ZFHX3: variants seen among roughly 807,000 people sequenced by gnomAD.
The protein encoded by ZFHX3 is zinc finger homeobox protein 3.
Under a neutral mutation model 279.1 loss-of-function variants are expected in ZFHX3, and 42 were observed. The ratio of observed to expected loss-of-function variants is 0.15; its 90% CI spans 0.12 to 0.19. The LOEUF is 0.19. Ranked by LOEUF, ZFHX3 falls within the 10% of genes least tolerant of loss-of-function variation. The probability of loss-of-function intolerance (pLI) is 1.00; values close to 1 mark genes in which losing one functional copy is unlikely to be tolerated. For missense variants in ZFHX3, 4,981 were observed against 4,754.0 expected (o/e 1.05, Z -1.40); for synonymous variants, 2,293 against 1,957.8 (o/e 1.17, Z -4.52).
rs1012307236 is a variant in ZFHX3, at chr16:73,237,738, T to C, written c.-1104+19309A>G. Among the ~76,000 whole-genome samples, 13 of 152,230 alleles carry C rather than the reference T, an allele frequency of 8.5e-5. 1 individual carries two copies. Among genetic ancestry groups the C allele is most frequent in the South Asian group, 2.1e-4 (1 of 4,822 alleles). On this transcript the variant is annotated intron_variant, in intron 5 of 17. Transcript: ENST00000641206. ...CTTCACCATGAGGTTTTTTTTCTCA[T>C]AGCCTATGTTATTTGTAGTTATGTG...
intron 3 of ZFHX3, among the ~76,000 whole-genome samples, chr16:72,895,873 C>CTAGATAGA (rs146417471): frequency 0.13 from 19,975 of 151,852 alleles, 1,769 homozygotes; most frequent in Non-Finnish European, 0.2. Context: ...GTAGATTAGA[C>CTAGATAGA]TAGATAGATA....
intron 1 of ZFHX3, among the ~76,000 whole-genome samples, chr16:72,980,292 G>T (rs1962532712): frequency 6.6e-6 from 1 of 152,190 alleles, no homozygotes; most frequent in South Asian, 2.1e-4. Context: ...TCACATGGAC[G>T]TTGGGGAAGG....
intron 3 of ZFHX3, among the ~76,000 whole-genome samples, chr16:73,416,790 C>G (rs1427376989): frequency 6.8e-6 from 1 of 146,482 alleles, no homozygotes; most frequent in Non-Finnish European, 1.5e-5. Flanking sequence ...AGGAGAATGG[C>G]GTGAACTCGG....
chr16:72,804,343 A>G (rs2036200048), intron 7 of ZFHX3, among the ~76,000 whole-genome samples: 1 of 152,220 alleles, frequency 6.6e-6, no homozygotes, highest in Non-Finnish European at 1.5e-5. Flanking sequence ...CCTGTCTCCA[A>G]AAGGCTTATG....
intron 1 of ZFHX3, among the ~76,000 whole-genome samples, chr16:73,758,986 A>G (rs906776610): frequency 6.6e-6 from 1 of 152,200 alleles, no homozygotes; most frequent in African/African-American, 2.4e-5. Context: ...TTACAAGTTA[A>G]TCCAGGTCTA....
chr16:73,137,707 C>T (rs1966817152), intron 6 of ZFHX3: 1 of 151,946 alleles, frequency 6.6e-6, no homozygotes, highest in African/African-American at 2.4e-5. Context: ...ATGATACAAA[C>T]ACCAAATTAG....
chr16:73,035,041 C>T (rs2144686113), intron 1 of ZFHX3, among the ~76,000 whole-genome samples: 1 of 152,264 alleles, frequency 6.6e-6, no homozygotes, highest in East Asian at 1.9e-4. Flanking sequence ...TCCAGAGCTG[C>T]ACCATCCACT....
At chr16:72,800,983 G>A (rs757289246) in intron 7 of ZFHX3, among the ~76,000 whole-genome samples, 21 of 152,222 alleles carry the variant, frequency 1.4e-4, no homozygotes, top group Admixed American at 6.5e-4. Flanking sequence ...CCTCCCTGCC[G>A]TACGGCCAGA....
In ZFHX3 at chr16:72,788,222, G is replaced by A. The variant is rs2143297790; in HGVS notation, c.10054C>T (p.Leu3352=). Residue 3352 remains leucine (L), a synonymous_variant, in exon 10 of 10, where the codon CTG becomes TTG. Coordinates refer to ENST00000268489, the MANE Select transcript of ZFHX3 (RefSeq NM_006885.4). ...AGGGAGCCTGGGGACAGCCCCATCA[G>A]GGCCTGCGACAGTGCAGGGCTGTAG... is the stretch of plus-strand genomic sequence containing the variant. ...FPYSPALSQA[L]MGLSPGSLLQ... 3.1e-6 allele frequency: 5 copies of A among 1,613,622 alleles called. No homozygotes were observed. Among genetic ancestry groups the A allele is most frequent in the Non-Finnish European group, 4.2e-6 (5 of 1,179,644 alleles).
chr16:73,300,391 C>G (rs1277673865), intron 4 of ZFHX3, among the ~76,000 whole-genome samples: 6 of 152,096 alleles, frequency 3.9e-5, no homozygotes, highest in Non-Finnish European at 8.8e-5. Flanking sequence ...AGCAGCCCCT[C>G]TGGACTCTAC....
chr16:73,070,277 T>C (rs1275998026), intron 8 of ZFHX3, among the ~76,000 whole-genome samples: 2 of 152,148 alleles, frequency 1.3e-5, no homozygotes, highest in Non-Finnish European at 2.9e-5. Context: ...ATCTGATCCT[T>C]TCACTCTAAA....
At chr16:73,388,231 T>C (rs996377176) in intron 3 of ZFHX3, among the ~76,000 whole-genome samples, 6 of 152,086 alleles carry the variant, frequency 3.9e-5, no homozygotes, top group African/African-American at 7.2e-5. Context: ...GAAGTGTCTA[T>C]GTGTATCCAG....
At chr16:73,300,784 A>G (rs2015038104) in intron 4 of ZFHX3, among the ~76,000 whole-genome samples, 1 of 152,132 alleles carries the variant, frequency 6.6e-6, no homozygotes, top group Admixed American at 6.5e-5. Context: ...GATTACAGGC[A>G]TGAGCCACCA....
chr16:73,334,816 T>TTTTTTTTTTTTTTTTTTTTTTTTTTTTA (rs2015880029), intron 3 of ZFHX3, among the ~76,000 whole-genome samples: 1 of 133,982 alleles, frequency 7.5e-6, no homozygotes, highest in African/African-American at 2.8e-5. Flanking sequence ...CATTCTTTTT[T>TTTTTTTTTTTTTTTTTTTTTTTTTTTTA]TTTTTTTTTT....
At chr16:73,511,884 C>T (rs1033936960) in intron 2 of ZFHX3, among the ~76,000 whole-genome samples, 3 of 152,100 alleles carry the variant, frequency 2.0e-5, no homozygotes, top group Non-Finnish European at 4.4e-5. Context: ...CTTCCTTGAA[C>T]CTTTAAACCT....
In ZFHX3 at chr16:73,045,165, C is replaced by T. The variant is rs117877227; in HGVS notation, c.-50+2587G>A. On this transcript the variant is annotated intron_variant, in intron 1 of 9. Transcript: ENST00000268489. ...AAAGCTCCTACCCCTGAAAGATACA[C>T]CAAAAAGGAACAACTGCACACAGTG... Among the ~76,000 whole-genome samples, 475 of 152,296 alleles carry T rather than the reference C, an allele frequency of 3.1e-3. 1 individual carries two copies. The highest frequency in any genetic ancestry group is 6.0e-3 in the Non-Finnish European group (407 of 68,030).
At chr16:73,136,568 AC>A (rs10707244) in intron 6 of ZFHX3, among the ~76,000 whole-genome samples, 3,648 of 151,706 alleles carry the variant, frequency 0.024, 156 homozygotes, top group African/African-American at 0.083. Context: ...TACTAAAAAC[AC>A]CAAAAATTAG....
At chr16:73,872,830 A>G (rs1325229497) in intron 1 of ZFHX3, among the ~76,000 whole-genome samples, 1 of 600 alleles carries the variant, frequency 1.7e-3, no homozygotes, top group Non-Finnish European at 3.1e-3. Flanking sequence ...TGGGTGGTGG[A>G]TGGTGGTGGG....
intron 1 of ZFHX3, among the ~76,000 whole-genome samples, chr16:73,045,852 G>A (rs750690171): frequency 6.7e-6 from 1 of 149,928 alleles, no homozygotes; most frequent in Non-Finnish European, 1.5e-5. Flanking sequence ...CATAAAGACA[G>A]AAGGTCTCCA....
Sources: allele counts gnomAD v4.1 joint callset (sites outside exome capture counted in the v4.1 genomes callset), GRCh38; gene constraint gnomAD v4.1.1; transcripts MANE v1.5; gene names NCBI Gene and HGNC (gene_info 2026-07-23, HGNC 2026-07-21).